The following PLXNA4 variants were observed in gnomAD, a reference collection of about 807,000 sequenced individuals.
PLXNA4 encodes the protein plexin A4, also known as plexin-A4.
A neutral mutation model predicts 191.8 loss-of-function variants in PLXNA4; 44 were observed. The observed-to-expected ratio is 0.23, with a 90% CI of 0.18 to 0.29. The LOEUF (loss-of-function observed/expected upper bound fraction) is 0.29. Among genes scored for constraint, PLXNA4 ranks in the 10% least tolerant of loss-of-function variants. PLXNA4 has a pLI of 1.00. For synonymous variants in PLXNA4, 1,082 were observed against 1,009.5 expected (o/e 1.07, Z -1.36); for missense variants, 1,800 against 2,488.8 (o/e 0.72, Z 5.89).
intron 3 of PLXNA4, among the ~76,000 whole-genome samples, chr7:132,344,511 C>T (rs1414425123): frequency 2.0e-5 from 3 of 152,134 alleles, no homozygotes; most frequent in East Asian, 3.9e-4. Context: ...TTGCCTACTT[C>T]CTGCACCCAG....
rs922499424 is a variant in PLXNA4, at chr7:132,409,067, T to C, written c.1371+80225A>G. The stretch of plus-strand genomic sequence containing the variant: ...CATCCTAACAAGACATGGACTTGGA[T>C]GGTCTTCTAGAAGATGCAGCTGTTC... On this transcript the variant is annotated intron_variant, in intron 3 of 31. Transcript: ENST00000321063. Among the ~76,000 whole-genome samples the C allele has an allele frequency of 4.6e-5, 7 of 152,176 alleles. No homozygotes were observed. In the East Asian group the frequency reaches 1.3e-3, roughly 29 times the overall value.
At chr7:132,291,105 T>G (rs1244725661) in intron 4 of PLXNA4, among the ~76,000 whole-genome samples, 4 of 152,086 alleles carry the variant, frequency 2.6e-5, no homozygotes, top group Admixed American at 6.5e-5. Context: ...CACTCACCAC[T>G]TTCCCCCTTC....
At chr7:132,506,345 T>G (rs1798462441) in intron 2 of PLXNA4, among the ~76,000 whole-genome samples, 1 of 152,138 alleles carries the variant, frequency 6.6e-6, no homozygotes, top group Non-Finnish European at 1.5e-5. Flanking sequence ...AAAATACATT[T>G]CCTAATATGG....
intron 9 of PLXNA4, 84 bp from the exon 10 acceptor site, chr7:132,211,227 C>A (rs1797790957): frequency 7.1e-7 from 1 of 1,404,412 alleles, no homozygotes; most frequent in Non-Finnish European, 9.7e-7. Flanking sequence ...CGGATGTTCC[C>A]TGTCTCCACC....
At chr7:132,519,057 T>G (rs1799063684) in intron 1 of PLXNA4, among the ~76,000 whole-genome samples, 1 of 152,242 alleles carries the variant, frequency 6.6e-6, no homozygotes, top group Admixed American at 6.5e-5. Flanking sequence ...GCAATGGCTT[T>G]CTTTACTCCA....
At chr7:132,355,934 G>C (rs1002759600) in intron 3 of PLXNA4, among the ~76,000 whole-genome samples, 2 of 152,146 alleles carry the variant, frequency 1.3e-5, no homozygotes, top group African/African-American at 4.8e-5. Flanking sequence ...GGACAAGGCT[G>C]AGAAATGACC....
intron 3 of PLXNA4, among the ~76,000 whole-genome samples, chr7:132,392,073 A>G (rs570665859): frequency 6.6e-6 from 1 of 152,098 alleles, no homozygotes; most frequent in East Asian, 1.9e-4. Flanking sequence ...GGTTGCAGTG[A>G]GCTGAGATCA....
At chr7:132,548,678 T>C (rs1382035329) in intron 1 of PLXNA4, among the ~76,000 whole-genome samples, 1 of 152,200 alleles carries the variant, frequency 6.6e-6, no homozygotes, top group African/African-American at 2.4e-5. Context: ...TCAGAAGTGT[T>C]TGAACCAGAG....
chr7:132,545,313 C>A (rs903535076), intron 1 of PLXNA4, among the ~76,000 whole-genome samples: 2 of 152,124 alleles, frequency 1.3e-5, no homozygotes, highest in Non-Finnish European at 2.9e-5. Context: ...GGAAACCTAT[C>A]AAAGGAGAAT....
chr7:132,343,631 C>T (rs570295533), intron 3 of PLXNA4, among the ~76,000 whole-genome samples: 1 of 152,254 alleles, frequency 6.6e-6, no homozygotes, highest in East Asian at 1.9e-4. Flanking sequence ...TTAGAACACT[C>T]AATGTGGCTG....
At chr7:132,175,741 G>A (rs1240049061) in intron 20 of PLXNA4, among the ~76,000 whole-genome samples, 1 of 152,178 alleles carries the variant, frequency 6.6e-6, no homozygotes, top group Non-Finnish European at 1.5e-5. Flanking sequence ...TGCCACAGGG[G>A]TACTCAGGGG....
intron 1 of PLXNA4, among the ~76,000 whole-genome samples, chr7:132,563,411 TC>T (rs1801460138): frequency 6.3e-5 from 1 of 15,846 alleles, no homozygotes; most frequent in Non-Finnish European, 1.1e-4. Flanking sequence ...CCTCCTCCTC[TC>T]CCTCCTCCTC....
intron 3 of PLXNA4, among the ~76,000 whole-genome samples, chr7:132,378,887 T>C (rs1463962479): frequency 1.3e-5 from 2 of 151,016 alleles, no homozygotes; most frequent in African/African-American, 4.9e-5. Context: ...TCTCACTCTT[T>C]GTTGCCCAGG....
intron 2 of PLXNA4, among the ~76,000 whole-genome samples, chr7:132,633,517 G>T (rs547108819): frequency 3.0e-4 from 45 of 152,224 alleles, no homozygotes; most frequent in Middle Eastern, 3.4e-3. Context: ...TTCTGACCTT[G>T]TGATCCACCT....
intron 4 of PLXNA4, among the ~76,000 whole-genome samples, chr7:132,293,681 C>A (rs1217216746): frequency 6.6e-6 from 1 of 152,188 alleles, no homozygotes; most frequent in African/African-American, 2.4e-5. Flanking sequence ...CAGCATAAAG[C>A]ACACATTTTC....
At chr7:132,533,131 A>G (rs1298653138) in intron 1 of PLXNA4, among the ~76,000 whole-genome samples, 3 of 152,224 alleles carry the variant, frequency 2.0e-5, no homozygotes, top group East Asian at 1.9e-4. Context: ...TGCACTTGCC[A>G]TAATGTTTAT....
In PLXNA4 at chr7:132,508,833, C is replaced by A. The variant is rs1798593071; in HGVS notation, c.-86-54G>T. 3 of 1,397,982 alleles carry A rather than the reference C, an allele frequency of 2.1e-6. No homozygotes were observed. In the South Asian group the frequency reaches 4.6e-5, roughly 21 times the overall value. 86.6% of individuals were successfully genotyped at this position (1,397,982 alleles called of 1,614,324 possible). A position where few individuals can be genotyped will look rare whatever the true frequency, so the allele number is the denominator to read the frequency against. On this transcript the variant is annotated intron_variant, in intron 1 of 31. Coordinates refer to ENST00000321063, the MANE Select transcript of PLXNA4 (RefSeq NM_020911.2). The surrounding 1 kb of genome is among the most constrained non-coding windows in gnomAD (Gnocchi z 4.4). Reference sequence around the variant, plus strand: ...TAACAATGCCAGTGGCTTCATTTCACCCCACAGCTTGTCTGCCTGGACTTT... The same window carrying A: ...TAACAATGCCAGTGGCTTCATTTCAACCCACAGCTTGTCTGCCTGGACTTT...
intron 9 of PLXNA4, among the ~76,000 whole-genome samples, chr7:132,218,566 A>G (rs1401901528): frequency 6.6e-6 from 1 of 152,240 alleles, no homozygotes; most frequent in Non-Finnish European, 1.5e-5. Flanking sequence ...TTGCTTTTGC[A>G]AGGAAGTTCA....
chr7:132,294,066 A>G (rs909962566), intron 4 of PLXNA4, among the ~76,000 whole-genome samples: 6 of 152,272 alleles, frequency 3.9e-5, no homozygotes, highest in Non-Finnish European at 2.9e-5. Context: ...AGGAAGACAT[A>G]TAATACAGAA....
Sources: allele counts gnomAD v4.1 joint callset (sites outside exome capture counted in the v4.1 genomes callset), GRCh38; gene constraint gnomAD v4.1.1; non-coding constraint Gnocchi (gnomAD v3.1); transcripts MANE v1.5; gene names NCBI Gene and HGNC (gene_info 2026-07-23, HGNC 2026-07-21).